FXR1: variants seen among roughly 807,000 people sequenced by gnomAD.
FXR1 encodes the protein RNA-binding protein FXR1.
FXR1 carries 15 observed loss-of-function variants against 84.0 expected under a neutral mutation model. That is an observed-to-expected ratio of 0.18 (90% CI 0.12 to 0.27). The LOEUF (loss-of-function observed/expected upper bound fraction) is 0.27, where lower values mean the gene tolerates loss of function less well. Ranked by LOEUF, FXR1 falls within the 10% of genes least tolerant of loss-of-function variation. The probability of loss-of-function intolerance (pLI) is 1.00; values close to 1 mark genes in which losing one functional copy is unlikely to be tolerated. For missense variants in FXR1, 480 were observed against 774.4 expected (o/e 0.62, Z 4.51); for synonymous variants, 245 against 250.7 (o/e 0.98, Z 0.21).
intron 1 of FXR1, among the ~76,000 whole-genome samples, chr3:180,926,969 A>G (rs918021434): frequency 1.3e-5 from 2 of 152,080 alleles, no homozygotes; most frequent in African/African-American, 4.8e-5. Context: ...CTAAGCCACA[A>G]CTCAATCAAG....
At chr3:180,975,452 A>G (rs1291047800) in intron 16 of FXR1, 48 bp downstream of exon 16, 7 of 713,168 alleles carry the variant, frequency 9.8e-6, no homozygotes, top group Middle Eastern at 2.6e-4. Context: ...AATTTTTGGT[A>G]TGGTTTAGCT....
chr3:180,912,802 T>A, intron 1 of FXR1, 66 bp downstream of exon 1: 1 of 1,613,152 alleles, frequency 6.2e-7, no homozygotes, highest in Non-Finnish European at 8.5e-7. Flanking sequence ...GGAGGGTTGG[T>A]GGTCCCAGAG....
At chr3:180,930,335 C>T (rs569774690) in intron 1 of FXR1, among the ~76,000 whole-genome samples, 34 of 151,632 alleles carry the variant, frequency 2.2e-4, no homozygotes, top group Admixed American at 5.9e-4. Flanking sequence ...AAAGTTGATA[C>T]TGATGTTTAT....
At chr3:180,928,671 T>A (rs985747853) in intron 1 of FXR1, among the ~76,000 whole-genome samples, 1 of 152,120 alleles carries the variant, frequency 6.6e-6, no homozygotes, top group African/African-American at 2.4e-5. Flanking sequence ...ATTTTTTGGT[T>A]GTTGCTGTAA....
At chr3:180,913,811 A>T (rs1277122129) in intron 1 of FXR1, among the ~76,000 whole-genome samples, 1 of 152,178 alleles carries the variant, frequency 6.6e-6, no homozygotes, top group Non-Finnish European at 1.5e-5. Flanking sequence ...AATGTTTGAG[A>T]GTCTTGGCTA....
chr3:180,972,721 GT>G (rs1391863245), intron 15 of FXR1, among the ~76,000 whole-genome samples: 1 of 152,192 alleles, frequency 6.6e-6, no homozygotes, highest in Non-Finnish European at 1.5e-5. Flanking sequence ...GGCTTCAACA[GT>G]TTGACAATGA....
chr3:180,966,063 A>G (rs1288863148), intron 13 of FXR1, among the ~76,000 whole-genome samples: 1 of 152,162 alleles, frequency 6.6e-6, no homozygotes, highest in African/African-American at 2.4e-5. Context: ...AAATAAATTC[A>G]GAAGTTCTTA....
intron 3 of FXR1, among the ~76,000 whole-genome samples, chr3:180,940,541 C>T (rs1201676802): frequency 6.6e-6 from 1 of 151,772 alleles, no homozygotes; most frequent in Non-Finnish European, 1.5e-5. Context: ...GTAAGCCTGA[C>T]ATCTAAGGTG....
chr3:180,958,344 T>C (rs1313302977), intron 10 of FXR1, among the ~76,000 whole-genome samples: 1 of 152,172 alleles, frequency 6.6e-6, no homozygotes, highest in East Asian at 1.9e-4. Flanking sequence ...ACCTGAGCAC[T>C]GTACACTGTA....
At chr3:180,932,086 A>AAAAAAAAC (rs1337496204) in intron 1 of FXR1, among the ~76,000 whole-genome samples, 1 of 150,602 alleles carries the variant, frequency 6.6e-6, no homozygotes, top group Non-Finnish European at 1.5e-5. Context: ...AAAAAAAAAA[A>AAAAAAAAC]AAAACAACTT....
At chr3:180,975,595 TTTAG>T (rs1714139307) in intron 16 of FXR1, among the ~76,000 whole-genome samples, 191 bp downstream of exon 16, 1 of 152,226 alleles carries the variant, frequency 6.6e-6, no homozygotes, top group African/African-American at 2.4e-5. Flanking sequence ...TGAAATACTT[TTTAG>T]TTAGAGCTTC....
At chr3:180,976,075 T>C (rs767857708) in intron 16 of FXR1, 47 bp from the exon 17 acceptor site, 61 of 1,486,084 alleles carry the variant, frequency 4.1e-5, no homozygotes, top group Middle Eastern at 1.8e-4. Flanking sequence ...TCCTCAGCTA[T>C]AGATTTCATT....
Position 180,980,540 on chromosome 3 carries a change from G to A in FXR1, c.*4248G>A, listed in dbSNP as rs1231771583. Reference sequence around the variant, plus strand: ...AACAATTTATACTTAATTGTTGCTTGGTTGCTTACATTTCAACCTCTAGGC... The same window carrying A: ...AACAATTTATACTTAATTGTTGCTTAGTTGCTTACATTTCAACCTCTAGGC... On this transcript the variant is annotated 3_prime_UTR_variant, in exon 17 of 17. Transcript: ENST00000357559. The A allele has an allele frequency of 6.6e-6, 1 of 151,940 alleles. No homozygotes were observed. The highest frequency in any genetic ancestry group is 1.9e-4 in the East Asian group (1 of 5,178). 9.4% of individuals were successfully genotyped at this position (151,940 alleles called of 1,614,324 possible). A position where few individuals can be genotyped will look rare whatever the true frequency, so the allele number is the denominator to read the frequency against.
chr3:180,964,900 G>A (rs1269010735), intron 13 of FXR1, among the ~76,000 whole-genome samples: 2 of 151,718 alleles, frequency 1.3e-5, no homozygotes, highest in African/African-American at 4.8e-5. Context: ...TAGCTGTTAA[G>A]CTTAGCACAA....
At chr3:180,932,798 A>T (rs1720088698) in intron 1 of FXR1, among the ~76,000 whole-genome samples, 1 of 152,256 alleles carries the variant, frequency 6.6e-6, no homozygotes, top group Non-Finnish European at 1.5e-5. Flanking sequence ...AAGGTGAACT[A>T]TAATGTTGAT....
At chr3:180,955,417 G>T (rs1366746272) in intron 9 of FXR1, among the ~76,000 whole-genome samples, 2 of 152,128 alleles carry the variant, frequency 1.3e-5, no homozygotes, top group African/African-American at 2.4e-5. Context: ...TGAACTGCTA[G>T]AAAGATGAGA....
rs147703435 is a variant in FXR1 at position 180,920,116 on chromosome 3, G to A, written c.51+7380G>A. ...TTTATTATTGTTGGCAAAGGGATGC[G>A]CTCCCGTGTTGAGATTTCTTCAGAT... On this transcript the variant is annotated intron_variant, in intron 1 of 16. Coordinates refer to ENST00000357559, the MANE Select transcript of FXR1 (RefSeq NM_005087.4). Among the ~76,000 whole-genome samples the A allele has an allele frequency of 9.6e-4, 146 of 152,242 alleles. 2 individuals are homozygous for A. In the East Asian group the frequency reaches 0.02, roughly 21 times the overall value.
intron 1 of FXR1, among the ~76,000 whole-genome samples, chr3:180,917,947 CAAAAAAAA>C (rs757826092): frequency 3.3e-5 from 2 of 61,000 alleles, no homozygotes; most frequent in Non-Finnish European, 6.8e-5. Flanking sequence ...ACTCTGTCTC[CAAAAAAAA>C]AAAAAAAAAA....
rs1257908247 is a variant in FXR1, at chr3:180,982,705, A to AT, written c.*6419dup. On this transcript the variant is annotated 3_prime_UTR_variant, in exon 17 of 17. Transcript: ENST00000357559. ...TCATAAAGCTCTTGTTCAGAGAAAC[A>AT]TTTTTTGATTTGTCCAATGGACTGA... 6.6e-6 allele frequency: 1 copy of AT among 152,156 alleles called. No individual in the cohort carries two copies. The highest frequency in any genetic ancestry group is 1.5e-5 in the Non-Finnish European group (1 of 67,988). 9.4% of individuals were successfully genotyped at this position (152,156 alleles called of 1,614,324 possible). A position where few individuals can be genotyped will look rare whatever the true frequency, so the allele number is the denominator to read the frequency against.
Sources: gnomAD v4.1 joint callset for allele counts (sites outside exome capture counted in the v4.1 genomes callset) on GRCh38, gnomAD v4.1.1 for gene constraint, MANE v1.5 for transcripts, NCBI Gene and HGNC (gene_info 2026-07-23, HGNC 2026-07-21) for gene names.